Variants in RIMS2 observed in about 807,000 individuals in gnomAD.
RIMS2 encodes the protein regulating synaptic membrane exocytosis 2, also known as regulating synaptic membrane exocytosis protein 2.
Under a neutral mutation model 174.4 loss-of-function variants are expected in RIMS2, and 59 were observed. The ratio of observed to expected loss-of-function variants is 0.34; its 90% CI spans 0.27 to 0.42. The LOEUF (loss-of-function observed/expected upper bound fraction) is 0.42. Ranked by LOEUF, RIMS2 falls within the 10% of genes least tolerant of loss-of-function variation. The probability of loss-of-function intolerance (pLI) is 1.00; values close to 1 mark genes in which losing one functional copy is unlikely to be tolerated. For missense variants in RIMS2, 1,620 were observed against 1,666.3 expected, an observed-to-expected ratio of 0.97 and a Z score of 0.48; for synonymous variants, 606 against 572.5, an observed-to-expected ratio of 1.06 and a Z score of -0.84.
chr8:103,983,635 T>C (rs1446961542), intron 16 of RIMS2, among the ~76,000 whole-genome samples: 1 of 151,866 alleles, frequency 6.6e-6, no homozygotes, highest in African/African-American at 2.4e-5. Flanking sequence ...GTGCCAAGAG[T>C]ATACATTGGA....
chr8:103,607,920 T>C (rs1426127580), intron 1 of RIMS2, among the ~76,000 whole-genome samples: 4 of 141,054 alleles, frequency 2.8e-5, no homozygotes, highest in Non-Finnish European at 6.2e-5. Flanking sequence ...TTTTCAAAGT[T>C]TTCAACTTCT....
At chr8:103,980,777 A>C (rs1197997589) in intron 16 of RIMS2, among the ~76,000 whole-genome samples, 1 of 152,168 alleles carries the variant, frequency 6.6e-6, no homozygotes, top group Non-Finnish European at 1.5e-5. Flanking sequence ...TGAACATTGC[A>C]GTGGCCTGAC....
At chr8:103,585,118 G>C (rs2093836770) in intron 1 of RIMS2, among the ~76,000 whole-genome samples, 1 of 152,098 alleles carries the variant, frequency 6.6e-6, no homozygotes, top group Non-Finnish European at 1.5e-5. Flanking sequence ...AGACATTTAT[G>C]CGGCCAACAA....
intron 3 of RIMS2, among the ~76,000 whole-genome samples, chr8:103,862,999 G>A (rs937276893): frequency 4.6e-5 from 7 of 151,988 alleles, no homozygotes; most frequent in East Asian, 1.9e-4. Context: ...TTCCAGTACT[G>A]TATTGAATAT....
chr8:103,772,241 A>G (rs1175316588), intron 3 of RIMS2, among the ~76,000 whole-genome samples: 1 of 152,016 alleles, frequency 6.6e-6, no homozygotes, highest in African/African-American at 2.4e-5. Flanking sequence ...TTCACAGAGA[A>G]CATGATTATT....
intron 2 of RIMS2, among the ~76,000 whole-genome samples, chr8:103,734,659 T>C (rs1286007520): frequency 6.6e-6 from 1 of 151,978 alleles, no homozygotes; most frequent in Non-Finnish European, 1.5e-5. Context: ...AGAGTATCTT[T>C]TTTAACATTT....
intron 19 of RIMS2, chr8:104,094,334 G>C: frequency 1.9e-6 from 1 of 531,826 alleles, no homozygotes; most frequent in Non-Finnish European, 3.3e-6. Flanking sequence ...ACTGAAGTAA[G>C]TTTTCAACAT....
chr8:103,903,614 G>T (rs566282984), intron 4 of RIMS2, among the ~76,000 whole-genome samples: 1 of 152,082 alleles, frequency 6.6e-6, no homozygotes, highest in Non-Finnish European at 1.5e-5. Flanking sequence ...CAAATTTTTA[G>T]ATTATTTTTT....
At chr8:103,692,746 G>T (rs1446860347) in intron 1 of RIMS2, among the ~76,000 whole-genome samples, 1 of 152,160 alleles carries the variant, frequency 6.6e-6, no homozygotes, top group Non-Finnish European at 1.5e-5. Context: ...TTCTACTGTG[G>T]CTGAGCTGGT....
At chr8:104,211,034 T>TA (rs2099102952) in intron 19 of RIMS2, among the ~76,000 whole-genome samples, 2 of 152,322 alleles carry the variant, frequency 1.3e-5, no homozygotes, top group South Asian at 4.1e-4. Flanking sequence ...ACCTAGATTT[T>TA]AAAATCATTC....
At chr8:103,739,517 T>C (rs1171015278) in intron 2 of RIMS2, among the ~76,000 whole-genome samples, 1 of 152,196 alleles carries the variant, frequency 6.6e-6, no homozygotes, top group Non-Finnish European at 1.5e-5. Context: ...ACCCTAGAAC[T>C]TAAAGTATAA....
chr8:103,831,677 G>A (rs768635100), intron 3 of RIMS2, among the ~76,000 whole-genome samples: 1 of 152,144 alleles, frequency 6.6e-6, no homozygotes, highest in South Asian at 2.1e-4. Context: ...TCTGGGCTTT[G>A]TCCTTTACAT....
At chr8:103,627,808 T>G (rs560233850) in intron 1 of RIMS2, among the ~76,000 whole-genome samples, 1 of 152,346 alleles carries the variant, frequency 6.6e-6, no homozygotes, top group Admixed American at 6.5e-5. Context: ...GTTAAGATCA[T>G]TTTATTTGGT....
At chr8:104,113,805 T>C (rs964043673) in intron 19 of RIMS2, among the ~76,000 whole-genome samples, 1 of 152,110 alleles carries the variant, frequency 6.6e-6, no homozygotes, top group Non-Finnish European at 1.5e-5. Context: ...TTATGTTTTT[T>C]TTCAAATAGA....
intron 19 of RIMS2, among the ~76,000 whole-genome samples, chr8:104,218,554 A>C (rs1431316314): frequency 1.3e-5 from 2 of 152,146 alleles, no homozygotes; most frequent in Non-Finnish European, 2.9e-5. Context: ...TAATGAAATA[A>C]TTATACAACT....
chr8:103,910,584 C>A, intron 5 of RIMS2, 55 bp downstream of exon 8: 1 of 1,000,324 alleles, frequency 1.0e-6, no homozygotes, highest in Non-Finnish European at 1.5e-6. Flanking sequence ...TTCGTTTGCT[C>A]TCTGTCACTC....
chr8:103,556,177 TAA>T (rs1416339944), intron 1 of RIMS2, among the ~76,000 whole-genome samples: 1 of 152,168 alleles, frequency 6.6e-6, no homozygotes, highest in African/African-American at 2.4e-5. Flanking sequence ...TGAAAATTTC[TAA>T]GAGTAGATTT....
chr8:103,965,806 A>G (rs769653930), intron 15 of RIMS2, among the ~76,000 whole-genome samples: 2 of 152,054 alleles, frequency 1.3e-5, no homozygotes, highest in African/African-American at 2.4e-5. Flanking sequence ...CATCAACTTG[A>G]GGAAGATCCC....
intron 19 of RIMS2, among the ~76,000 whole-genome samples, chr8:104,184,200 G>C (rs540973132): frequency 6.4e-4 from 97 of 151,730 alleles, no homozygotes; most frequent in Middle Eastern, 6.8e-3. Context: ...GACAAACAAA[G>C]TAACAATGTT....
Sources: gnomAD v4.1 joint callset for allele counts (sites outside exome capture counted in the v4.1 genomes callset) on GRCh38, gnomAD v4.1.1 for gene constraint, MANE v1.5 for transcripts, NCBI Gene and HGNC (gene_info 2026-07-23, HGNC 2026-07-21) for gene names.